EPM2A: variants seen among roughly 807,000 people sequenced by gnomAD.
EPM2A encodes laforin.
A neutral mutation model predicts 26.5 loss-of-function variants in EPM2A; 21 were observed. That is an observed-to-expected ratio of 0.79 (90% CI 0.56 to 1.14). EPM2A has a LOEUF of 1.14. Among genes scored for constraint, EPM2A ranks in the 50% most tolerant of loss-of-function variants. The probability of loss-of-function intolerance (pLI) is 0.00; values close to 1 mark genes in which losing one functional copy is unlikely to be tolerated. For missense variants in EPM2A, 458 were observed against 440.8 expected, an observed-to-expected ratio of 1.04 and a Z score of -0.35; for synonymous variants, 217 against 177.6, an observed-to-expected ratio of 1.22 and a Z score of -1.76.
chr6:145,542,106 GA>G (rs1191176303), intron 2 of EPM2A, among the ~76,000 whole-genome samples: 4 of 152,134 alleles, frequency 2.6e-5, no homozygotes, highest in Non-Finnish European at 5.9e-5. Flanking sequence ...CATTGAGTTA[GA>G]AAGTCAAAAG....
At chr6:145,414,003 T>C (rs1778675980) in intron 4 of EPM2A, among the ~76,000 whole-genome samples, 1 of 152,120 alleles carries the variant, frequency 6.6e-6, no homozygotes, top group South Asian at 2.1e-4. Context: ...AGAGGGATGG[T>C]AAAGGCAGGG....
At chr6:145,667,856 C>T (rs1331782278) in intron 2 of EPM2A, among the ~76,000 whole-genome samples, 2 of 150,058 alleles carry the variant, frequency 1.3e-5, no homozygotes, top group Non-Finnish European at 3.0e-5. Context: ...GAGTTCATGT[C>T]CTTTGTAGGG....
At chr6:145,638,305 G>T (rs1352987361) in intron 2 of EPM2A, 2 of 152,192 alleles carry the variant, frequency 1.3e-5, no homozygotes, top group Non-Finnish European at 2.9e-5. Flanking sequence ...TAGGACATTT[G>T]AGCCTGCAAT....
intron 2 of EPM2A, among the ~76,000 whole-genome samples, chr6:145,679,299 A>T (rs1213305065): frequency 6.6e-6 from 1 of 152,072 alleles, no homozygotes; most frequent in Non-Finnish European, 1.5e-5. Context: ...TAGAAGAAAT[A>T]CCTAATGTAA....
At chr6:145,718,859 A>G (rs1290815915) in intron 1 of EPM2A, among the ~76,000 whole-genome samples, 4 of 152,174 alleles carry the variant, frequency 2.6e-5, no homozygotes, top group Non-Finnish European at 5.9e-5. Context: ...GCAGCCAAAA[A>G]ACACATGAAA....
rs996516879 is a variant in EPM2A, at chr6:145,558,402, C to T, written c.341-55827G>A. Among the ~76,000 whole-genome samples the T allele has an allele frequency of 9.9e-5, 15 of 152,176 alleles. 1 individual carries two copies. The highest frequency in any genetic ancestry group is 3.6e-4 in the African/African-American group (15 of 41,538). On this transcript the variant is annotated intron_variant, in intron 2 of 3. Transcript: ENST00000450221. ...TAATGCTGCAATGAACATGGGAATG[C>T]AGATATCTGTTTGACATACTGATTT...
At chr6:145,637,618 A>C (rs1447573724) in intron 2 of EPM2A, 2 of 152,228 alleles carry the variant, frequency 1.3e-5, no homozygotes, top group African/African-American at 4.8e-5. Flanking sequence ...AAAGAGAGGC[A>C]TGAAATCCAA....
chr6:145,480,091 G>A lies in EPM2A; in HGVS notation c.555+22431C>T, dbSNP rs181609348. Among the ~76,000 whole-genome samples, 17 of 151,978 alleles carry A rather than the reference G, an allele frequency of 1.1e-4. No homozygotes were observed. In the East Asian group the frequency reaches 2.5e-3, roughly 22 times the overall value. ...AAATATACCATTAAATTGTTTGCCA[G>A]TTTTTAATTGGGTTGTCTGTCTCTT... On this transcript the variant is annotated intron_variant, in intron 4 of 4. Transcript: ENST00000638717.
At chr6:145,417,858 A>T (rs1170033858) in intron 4 of EPM2A, among the ~76,000 whole-genome samples, 2 of 152,042 alleles carry the variant, frequency 1.3e-5, no homozygotes, top group African/African-American at 4.8e-5. Context: ...ACACCTCGAG[A>T]GCAGCTCTTT....
At chr6:145,444,670 T>C (rs990787012) in intron 4 of EPM2A, among the ~76,000 whole-genome samples, 1 of 152,216 alleles carries the variant, frequency 6.6e-6, no homozygotes, top group Non-Finnish European at 1.5e-5. Flanking sequence ...AAAAGTCCAA[T>C]GTCTGAGCTT....
chr6:145,388,082 T>C (rs1213684598), intron 4 of EPM2A, among the ~76,000 whole-genome samples: 2 of 152,216 alleles, frequency 1.3e-5, no homozygotes, highest in East Asian at 3.8e-4. Flanking sequence ...TTTTTAAAAA[T>C]GAAGTAAATA....
Position 145,576,557 on chromosome 6 carries a change from A to G in EPM2A, c.340+58688T>C, listed in dbSNP as rs553618623. Among the ~76,000 whole-genome samples, 7 of 152,334 alleles carry G rather than the reference A, an allele frequency of 4.6e-5. No individual in the cohort carries two copies. The South Asian group carries it at 1.4e-3, about 32-fold the overall frequency. On this transcript the variant is annotated intron_variant, in intron 2 of 3. Coordinates refer to the EPM2A transcript ENST00000450221. ...AGAATACTGTATCAAGCAAAGTTTT[A>G]TTTCAAACATGAAGGAGAAATAAAG...
intron 2 of EPM2A, among the ~76,000 whole-genome samples, chr6:145,569,896 A>G (rs961208070): frequency 2.0e-5 from 3 of 152,210 alleles, no homozygotes; most frequent in African/African-American, 7.2e-5. Flanking sequence ...ATCAACTCAC[A>G]TGATCACAAG....
At chr6:145,407,616 T>C (rs1212938761) in intron 4 of EPM2A, among the ~76,000 whole-genome samples, 2 of 152,180 alleles carry the variant, frequency 1.3e-5, no homozygotes, top group East Asian at 1.9e-4. Context: ...TAAACTAAAA[T>C]GCCATTTAGC....
At chr6:145,569,229 G>A (rs113388520) in intron 2 of EPM2A, among the ~76,000 whole-genome samples, 225 of 152,280 alleles carry the variant, frequency 1.5e-3, no homozygotes, top group African/African-American at 5.2e-3. Context: ...AAGCAGCCGT[G>A]AATTTTGTAA....
At chr6:145,721,725 T>A (rs1441621755) in intron 1 of EPM2A, 1 of 152,204 alleles carries the variant, frequency 6.6e-6, no homozygotes, top group South Asian at 2.1e-4. Context: ...CTCTCACATC[T>A]CAAACACATG....
chr6:145,523,135 A>C (rs1780226330), intron 2 of EPM2A, among the ~76,000 whole-genome samples: 1 of 152,150 alleles, frequency 6.6e-6, no homozygotes, highest in African/African-American at 2.4e-5. Flanking sequence ...TTGTGGGCAG[A>C]ACTTTGTTTT....
At chr6:145,684,906 G>A (rs1780799149) in intron 2 of EPM2A, 1 of 152,090 alleles carries the variant, frequency 6.6e-6, no homozygotes, top group African/African-American at 2.4e-5. Context: ...CCAGAAGTTT[G>A]AAAGAAAAAT....
intron 1 of EPM2A, among the ~76,000 whole-genome samples, chr6:145,733,073 A>T (rs1583148227): frequency 6.6e-6 from 1 of 152,330 alleles, no homozygotes; most frequent in South Asian, 2.1e-4. Context: ...ATTTACCTTA[A>T]ACAAGAAGGC....
Sources: allele counts gnomAD v4.1 joint callset (sites outside exome capture counted in the v4.1 genomes callset), GRCh38; gene constraint gnomAD v4.1.1; transcripts MANE v1.5; gene names NCBI Gene and HGNC (gene_info 2026-07-23, HGNC 2026-07-21).